The following DMXL1 variants were observed in gnomAD, a reference collection of about 807,000 sequenced individuals.
The protein encoded by DMXL1 is Dmx like 1, also known as dmX-like protein 1.
Under a neutral mutation model 319.2 loss-of-function variants are expected in DMXL1, and 99 were observed. The ratio of observed to expected loss-of-function variants is 0.31; its 90% CI spans 0.26 to 0.37. The LOEUF is 0.37. Among genes scored for constraint, DMXL1 ranks in the 10% least tolerant of loss-of-function variants. The probability of loss-of-function intolerance (pLI) is 1.00; values close to 1 mark genes in which losing one functional copy is unlikely to be tolerated. For synonymous variants in DMXL1, 1,385 were observed against 1,235.2 expected, an observed-to-expected ratio of 1.12 and a Z score of -2.54; for missense variants, 3,745 against 3,595.6, an observed-to-expected ratio of 1.04 and a Z score of -1.06.
intron 1 of DMXL1, among the ~76,000 whole-genome samples, chr5:119,087,999 A>G (rs1034460176): frequency 6.6e-6 from 1 of 151,982 alleles, no homozygotes; most frequent in African/African-American, 2.4e-5. Context: ...ACAGGGTTTC[A>G]CCATGTTGGC....
intron 17 of DMXL1, among the ~76,000 whole-genome samples, chr5:119,148,159 TC>T (rs1768990754): frequency 6.6e-6 from 1 of 152,198 alleles, no homozygotes; most frequent in Non-Finnish European, 1.5e-5. Context: ...AGGAATCTTC[TC>T]AGCATTTGTT....
intron 26 of DMXL1, among the ~76,000 whole-genome samples, chr5:119,175,948 C>G (rs749586122): frequency 1.3e-5 from 2 of 152,016 alleles, no homozygotes; most frequent in Non-Finnish European, 2.9e-5. Flanking sequence ...ATTGTCTCAT[C>G]TCTCTTCTAT....
intron 10 of DMXL1, among the ~76,000 whole-genome samples, chr5:119,130,893 A>G (rs1183877659): frequency 7.9e-5 from 12 of 152,046 alleles, no homozygotes; most frequent in Non-Finnish European, 1.8e-4. Flanking sequence ...AATATCAATA[A>G]CTTCTGACAA....
intron 35 of DMXL1, among the ~76,000 whole-genome samples, chr5:119,217,858 C>G (rs1167210642): frequency 2.6e-5 from 4 of 152,092 alleles, no homozygotes; most frequent in African/African-American, 9.7e-5. Context: ...TGTCTGTCTT[C>G]TCTGAATTCT....
rs1183888025 is a variant in DMXL1 at position 119,220,572 on chromosome 5, A to G, written c.8114A>G (p.Asp2705Gly). ...ATQVYTWVDD[D>G]IEVETKGSED... ...CAGGTCTACACTTGGGTAGATGATG[A>G]TATAGAAGTGGAAACCAAAGGGTAC... Residue 2705 changes from aspartate to glycine, a missense_variant, in exon 36 of 44, where the codon GAT (aspartate) becomes GGT (glycine). Asp to Gly is a moderately conservative substitution (Grantham distance 94, BLOSUM62 -1). Transcript: ENST00000539542. 1.9e-6 allele frequency: 3 copies of G among 1,613,624 alleles called. No individual in the cohort carries two copies. Among genetic ancestry groups the G allele is most frequent in the Non-Finnish European group, 2.5e-6 (3 of 1,179,830 alleles).
Position 119,089,999 on chromosome 5 carries a change from C to CTT in DMXL1, c.88-7943_88-7942dup, listed in dbSNP as rs70982467. On this transcript the variant is annotated intron_variant, in intron 1 of 43. Transcript: ENST00000539542. ...TGATTATTTTATGCTTCGGGTTAGT[C>CTT]TTTTTTTTTTTTTTTTTTTTTTTTT... Among the ~76,000 whole-genome samples the CTT allele has an allele frequency of 9.9e-4, 34 of 34,374 alleles. 10 individuals are homozygous for CTT. Among genetic ancestry groups the CTT allele is most frequent in the Non-Finnish European group, 1.2e-3 (23 of 18,756 alleles). 22.6% of individuals were successfully genotyped at this position (34,374 alleles called of 152,430 possible). A position where few individuals can be genotyped will look rare whatever the true frequency, so the allele number is the denominator to read the frequency against.
intron 28 of DMXL1, among the ~76,000 whole-genome samples, chr5:119,180,388 C>G (rs2150324823): frequency 6.6e-6 from 1 of 152,066 alleles, no homozygotes; most frequent in East Asian, 1.9e-4. Context: ...AGAATCCTAA[C>G]ATGACTTCTC....
intron 2 of DMXL1, among the ~76,000 whole-genome samples, chr5:119,098,564 G>A (rs1756516078): frequency 6.6e-6 from 1 of 151,796 alleles, no homozygotes; most frequent in African/African-American, 2.4e-5. Context: ...AATATTCTAA[G>A]CCCATAAGAA....
intron 13 of DMXL1, among the ~76,000 whole-genome samples, chr5:119,143,113 A>G (rs1328736817): frequency 6.6e-6 from 1 of 152,060 alleles, no homozygotes; most frequent in Non-Finnish European, 1.5e-5. Context: ...ACCAGAAAAA[A>G]TAACTCTCGG....
intron 42 of DMXL1, among the ~76,000 whole-genome samples, chr5:119,240,956 A>G (rs1302768784): frequency 2.0e-5 from 3 of 152,224 alleles, no homozygotes; most frequent in South Asian, 4.1e-4. Context: ...GTCCCAGGAT[A>G]CAAGGTCAAT....
intron 7 of DMXL1, among the ~76,000 whole-genome samples, chr5:119,117,361 A>G (rs1404198602): frequency 1.3e-5 from 2 of 152,142 alleles, no homozygotes; most frequent in African/African-American, 4.8e-5. Flanking sequence ...TTTGTACTAT[A>G]TGGCCATTTT....
At chr5:119,211,570 A>T (rs943805023) in intron 34 of DMXL1, among the ~76,000 whole-genome samples, 6 of 152,160 alleles carry the variant, frequency 3.9e-5, no homozygotes, top group African/African-American at 1.4e-4. Flanking sequence ...TTCTGCTATG[A>T]CTTTGAAAAC....
At chr5:119,235,923 C>G (rs1007951024) in intron 39 of DMXL1, among the ~76,000 whole-genome samples, 5 of 151,728 alleles carry the variant, frequency 3.3e-5, no homozygotes, top group East Asian at 1.9e-4. Context: ...ATGTGTATAC[C>G]CTTTCTGAAG....
At chr5:119,164,752 C>G in intron 20 of DMXL1, 76 bp downstream of exon 20, 1 of 1,293,732 alleles carries the variant, frequency 7.7e-7, no homozygotes, top group African/African-American at 1.5e-5. Context: ...CATATCTTCT[C>G]TGCCATTACT....
At chr5:119,161,314 G>T (rs935310348) in intron 19 of DMXL1, among the ~76,000 whole-genome samples, 1 of 152,232 alleles carries the variant, frequency 6.6e-6, no homozygotes, top group Admixed American at 6.5e-5. Flanking sequence ...TGCTGGCTGG[G>T]CACTGCGATA....
chr5:119,143,925 A>G lies in DMXL1; in HGVS notation c.2461A>G (p.Lys821Glu). The G allele has an allele frequency of 6.4e-7, 1 of 1,566,524 alleles. No homozygotes were observed. The highest frequency in any genetic ancestry group is 1.2e-5 in the South Asian group (1 of 81,494). Reference protein sequence around the residue: ...GCIIALDPITKLHGRKTQLLH... With the variant: ...GCIIALDPITELHGRKTQLLH... ...CATTATTGCATTAGATCCCATTACC[A>G]AACTTGTAAGTATTAATTTTGGGGG... The change falls in exon 14 of 44, where the codon AAA becomes GAA. Residue 821 changes from lysine (K) to glutamate (E), a missense_variant. Physicochemically the swap from Lys to Glu is moderately conservative, Grantham distance 56 (BLOSUM62 1). Around this residue, in one of 4 missense-constraint regions of DMXL1, gnomAD observed 2,096 missense variants for 1,985.4 expected, o/e 1.06. Coordinates refer to ENST00000539542, the MANE Select transcript of DMXL1 (RefSeq NM_001290321.3).
chr5:119,189,121 A>C (rs1561832596), intron 28 of DMXL1, among the ~76,000 whole-genome samples: 1 of 152,168 alleles, frequency 6.6e-6, no homozygotes, highest in East Asian at 1.9e-4. Flanking sequence ...CTAATTATAG[A>C]GTGTTCACAA....
intron 3 of DMXL1, among the ~76,000 whole-genome samples, chr5:119,103,108 AAG>A (rs1311773432): frequency 6.6e-6 from 1 of 152,038 alleles, no homozygotes; most frequent in Non-Finnish European, 1.5e-5. Context: ...AAAAAAAAGA[AAG>A]AGCAGTGTAT....
Position 119,133,980 on chromosome 5 carries a change from C to A in DMXL1, c.2056C>A (p.Gln686Lys). The change falls in exon 12 of 44, where the codon CAA (glutamine) becomes AAA (lysine). Residue 686 changes from glutamine to lysine, a missense_variant. Gln to Lys is a moderately conservative substitution (Grantham distance 53). This residue lies in a region of DMXL1 where 2,096 missense variants were observed against 1,985.4 expected (regional missense o/e 1.06). Coordinates refer to ENST00000539542, the MANE Select transcript of DMXL1 (RefSeq NM_001290321.3). ...TATTGAAGAATGCTCTTTGACACAA[C>A]AAAATAAAAGCACTGTTGACGTGGC... ...LNIEECSLTQ[Q>K]NKSTVDVAFQ... The A allele has an allele frequency of 6.2e-7, 1 of 1,614,180 alleles. No individual in the cohort carries two copies. Among genetic ancestry groups the A allele is most frequent in the Non-Finnish European group, 8.5e-7 (1 of 1,180,022 alleles).
Sources: gnomAD v4.1 joint callset for allele counts (sites outside exome capture counted in the v4.1 genomes callset) on GRCh38, gnomAD v4.1.1 for gene constraint, gnomAD v4.1.1 regional missense constraint, MANE v1.5 for transcripts, NCBI Gene and HGNC (gene_info 2026-07-23, HGNC 2026-07-21) for gene names.